The following CAMLG variants were observed in gnomAD, a reference collection of about 807,000 sequenced individuals.
CAMLG encodes calcium modulating ligand.
In CAMLG, 23 loss-of-function variants were observed where a neutral mutation model predicts 28.9. The observed-to-expected ratio is 0.80, with a 90% CI of 0.57 to 1.13. The LOEUF is 1.13. CAMLG is among the 50% of genes most tolerant of loss of function. The pLI is 0.00. For missense variants in CAMLG, 367 were observed against 371.9 expected (o/e 0.99, Z 0.11); for synonymous variants, 141 against 146.5 (o/e 0.96, Z 0.27).
intron 3 of CAMLG, among the ~76,000 whole-genome samples, chr5:134,748,541 C>CA (rs980356586): frequency 4.0e-4 from 61 of 151,854 alleles, no homozygotes; most frequent in African/African-American, 1.4e-3. Context: ...ACGTCTCAAA[C>CA]AAAAAAAATT....
Position 134,741,450 on chromosome 5 carries a change from C to T in CAMLG, c.560C>T (p.Ser187Phe). 6.2e-7 allele frequency: 1 copy of T among 1,614,026 alleles called. No individual in the cohort carries two copies. Among genetic ancestry groups the T allele is most frequent in the Non-Finnish European group, 8.5e-7 (1 of 1,179,874 alleles). ...GGAAATACAACAGAAGAATTTGACT[C>T]TTTTCGAATATTTAGATTGGTGGGA... ...EDGNTTEEFD[S>F]FRIFRLVGCA... The change falls in exon 2 of 4, where the codon TCT becomes TTT. Residue 187 changes from serine (S) to phenylalanine (F), a missense_variant. By Grantham distance (155) the Ser-to-Phe change is radical (BLOSUM62 -2). Coordinates refer to ENST00000297156, the MANE Select transcript of CAMLG (RefSeq NM_001745.4).
intron 3 of CAMLG, among the ~76,000 whole-genome samples, chr5:134,745,732 A>C (rs1753039506): frequency 6.6e-6 from 1 of 151,404 alleles, no homozygotes; most frequent in African/African-American, 2.4e-5. Flanking sequence ...CAGCCTGGGC[A>C]ACAGAGCGAG....
At chr5:134,744,802 G>A (rs943420019) in intron 3 of CAMLG, among the ~76,000 whole-genome samples, 1 of 152,138 alleles carries the variant, frequency 6.6e-6, no homozygotes, top group Non-Finnish European at 1.5e-5. Context: ...TCAGTGTTGA[G>A]GGCCTGATAT....
intron 2 of CAMLG, among the ~76,000 whole-genome samples, chr5:134,743,673 C>G (rs1208490575): frequency 6.6e-6 from 1 of 152,006 alleles, no homozygotes; most frequent in East Asian, 1.9e-4. Context: ...CTAGACCATA[C>G]TGGCCAACAT....
chr5:134,750,762 GA>G lies in CAMLG; in HGVS notation c.707del (p.Lys236ArgfsTer3). On this transcript the variant is annotated frameshift_variant, in exon 4 of 4. Coordinates refer to ENST00000297156, the MANE Select transcript of CAMLG (RefSeq NM_001745.4). LOFTEE classifies it high-confidence loss of function. The part of the protein sequence containing the change: ...MGLYKYFPKS[E>X]KKIKTTVLTA... ...ATTTGAGTCTTTCTCTACACAGAGT[GA>G]AAAGAAGATAAAGACAACAGTACTA... 1 of 1,609,910 alleles carries G rather than the reference GA, an allele frequency of 6.2e-7. No homozygotes were observed. The highest frequency in any genetic ancestry group is 8.5e-7 in the Non-Finnish European group (1 of 1,176,554).
chr5:134,743,831 A>AC (rs1462563241), intron 2 of CAMLG, among the ~76,000 whole-genome samples, 156 bp from the exon 3 acceptor site: 3 of 152,074 alleles, frequency 2.0e-5, no homozygotes, highest in African/African-American at 7.2e-5. Context: ...GTGCCACTGC[A>AC]CTCAGCCTGG....
At chr5:134,740,062 T>C (rs574800315) in intron 1 of CAMLG, among the ~76,000 whole-genome samples, 37 of 152,078 alleles carry the variant, frequency 2.4e-4, no homozygotes, top group African/African-American at 7.7e-4. Context: ...AAATTGTGTG[T>C]GTGGAGATGG....
In CAMLG at chr5:134,750,822, G is replaced by A. The variant is rs765331970; in HGVS notation, c.763G>A (p.Glu255Lys). ...ACTTCTATTGTCGGGAATTCCTGCC[G>A]AAGTGATAAATCGATCAATGGATAC... Reference protein sequence around the residue: ...AALLLSGIPAEVINRSMDTYS... With the variant: ...AALLLSGIPAKVINRSMDTYS... The change falls in exon 4 of 4, where the codon GAA becomes AAA. Residue 255 changes from glutamate (E) to lysine (K), a missense_variant. Coordinates refer to ENST00000297156, the MANE Select transcript of CAMLG (RefSeq NM_001745.4). 26 of 1,613,718 alleles carry A rather than the reference G, an allele frequency of 1.6e-5. No individual in the cohort carries two copies. The highest frequency in any genetic ancestry group is 1.6e-4 in the Middle Eastern group (1 of 6,084).
intron 1 of CAMLG, among the ~76,000 whole-genome samples, chr5:134,739,464 ATTG>A (rs771456524): frequency 1.3e-5 from 2 of 152,134 alleles, no homozygotes; most frequent in Admixed American, 6.6e-5. Context: ...ATGAGGGGAT[ATTG>A]TTGTGATTGA....
intron 3 of CAMLG, among the ~76,000 whole-genome samples, chr5:134,746,726 C>G (rs1389616066): frequency 1.3e-5 from 2 of 151,872 alleles, no homozygotes; most frequent in East Asian, 3.9e-4. Flanking sequence ...ATCTGCCCAC[C>G]TGGGCCTTCC....
chr5:134,748,154 A>C (rs980702704), intron 3 of CAMLG, among the ~76,000 whole-genome samples: 1 of 152,032 alleles, frequency 6.6e-6, no homozygotes, highest in Admixed American at 6.6e-5. Context: ...TCTGGTCTCT[A>C]TCTCTTGACC....
intron 2 of CAMLG, among the ~76,000 whole-genome samples, chr5:134,743,623 G>A (rs1753009827): frequency 6.6e-6 from 1 of 150,980 alleles, no homozygotes; most frequent in Non-Finnish European, 1.5e-5. Context: ...ATCCCAGCAT[G>A]TTGGGAGGCC....
At chr5:134,745,759 A>G (rs1011961574) in intron 3 of CAMLG, among the ~76,000 whole-genome samples, 1 of 151,806 alleles carries the variant, frequency 6.6e-6, no homozygotes, top group African/African-American at 2.4e-5. Flanking sequence ...TCAAAAAAAA[A>G]AAAAGAAAAT....
intron 3 of CAMLG, among the ~76,000 whole-genome samples, chr5:134,748,027 A>G (rs1753072044): frequency 6.6e-6 from 1 of 150,906 alleles, no homozygotes; most frequent in African/African-American, 2.4e-5. Flanking sequence ...ACACCTGGCT[A>G]ATTTTTTTTG....
Position 134,741,126 on chromosome 5 carries a change from C to G in CAMLG, c.236C>G (p.Pro79Arg). 4 of 1,614,100 alleles carry G rather than the reference C, an allele frequency of 2.5e-6. No individual in the cohort carries two copies. The highest frequency in any genetic ancestry group is 3.4e-6 in the Non-Finnish European group (4 of 1,179,964). Reference sequence around the variant, plus strand: ...GATAAACTGAACTCCCTCAGCGTTCCTTCCGTTTCAAAGCGAGTAGTGCTG... The same window carrying G: ...GATAAACTGAACTCCCTCAGCGTTCGTTCCGTTTCAAAGCGAGTAGTGCTG... The part of the protein sequence containing the change: ...DSDKLNSLSV[P>R]SVSKRVVLGD... Residue 79 changes from proline to arginine, a missense_variant, in exon 2 of 4, where the codon CCT becomes CGT. By Grantham distance (103) the Pro-to-Arg change is moderately radical. Transcript: ENST00000297156.
intron 2 of CAMLG, among the ~76,000 whole-genome samples, chr5:134,743,055 G>A (rs1753003069): frequency 6.6e-6 from 1 of 152,098 alleles, no homozygotes; most frequent in Admixed American, 6.6e-5. Flanking sequence ...TAGTTTTGTT[G>A]TTGTTGTTGT....
Position 134,751,870 on chromosome 5 carries a change from CAG to C in CAMLG, c.*921_*922del, listed in dbSNP as rs1753118178. On this transcript the variant is annotated 3_prime_UTR_variant, in exon 4 of 4. Coordinates refer to ENST00000297156, the MANE Select transcript of CAMLG (RefSeq NM_001745.4). ...TAATTTTTATATTCTTTAGTAAAGA[CAG>C]GGTTTCTCCATGTTGGTCAGGCTGG... 6.6e-6 allele frequency: 1 copy of C among 152,176 alleles called. No individual in the cohort carries two copies. Among genetic ancestry groups the C allele is most frequent in the Admixed American group, 6.6e-5 (1 of 15,242 alleles). The allele number at this position is 152,176 out of a possible 1,614,324, so 9.4% of individuals were successfully genotyped here.
At chr5:134,743,758 C>T (rs1753012219) in intron 2 of CAMLG, among the ~76,000 whole-genome samples, 1 of 150,958 alleles carries the variant, frequency 6.6e-6, no homozygotes, top group African/African-American at 2.4e-5. Flanking sequence ...CCCATCTACT[C>T]AGAAGGCTGA....
intron 2 of CAMLG, among the ~76,000 whole-genome samples, chr5:134,742,829 C>T (rs889421637): frequency 1.3e-5 from 2 of 152,110 alleles, no homozygotes; most frequent in East Asian, 1.9e-4. Context: ...ACCTCCACCT[C>T]CTGGGTTCAA....
Sources: allele counts gnomAD v4.1 joint callset (sites outside exome capture counted in the v4.1 genomes callset), GRCh38; gene constraint gnomAD v4.1.1; transcripts MANE v1.5; gene names NCBI Gene and HGNC (gene_info 2026-07-23, HGNC 2026-07-21).